GPHN: variants seen among roughly 807,000 people sequenced by gnomAD.
GPHN encodes gephyrin.
A neutral mutation model predicts 95.5 loss-of-function variants in GPHN; 17 were observed. The observed-to-expected ratio is 0.18, with a 90% CI of 0.12 to 0.27. The LOEUF (loss-of-function observed/expected upper bound fraction) is 0.27. Among genes scored for constraint, GPHN ranks in the 10% least tolerant of loss-of-function variants. GPHN has a pLI of 1.00. For synonymous variants in GPHN, 320 were observed against 322.5 expected, an observed-to-expected ratio of 0.99 and a Z score of 0.08; for missense variants, 660 against 978.1, an observed-to-expected ratio of 0.67 and a Z score of 4.34.
intron 9 of GPHN, among the ~76,000 whole-genome samples, chr14:66,972,066 G>A (rs777938043): frequency 2.6e-5 from 4 of 151,976 alleles, no homozygotes; most frequent in East Asian, 1.9e-4. Context: ...TCAGGAGTTC[G>A]AGACCAGCCT....
the GPHN span, among the ~76,000 whole-genome samples, chr14:67,281,023 C>T: frequency 2.6e-5 from 4 of 151,774 alleles, no homozygotes; most frequent in Admixed American, 2.0e-4. Context: ...CTTAGCCTCC[C>T]GAGTGGCTGG....
At chr14:67,265,813 C>T in the GPHN span, among the ~76,000 whole-genome samples, 4 of 144,692 alleles carry the variant, frequency 2.8e-5, no homozygotes, top group South Asian at 2.2e-4. Flanking sequence ...GCCAAAATCG[C>T]GCCACTGCAC....
At chr14:67,460,892 C>T in the GPHN span, among the ~76,000 whole-genome samples, 1 of 152,158 alleles carries the variant, frequency 6.6e-6, no homozygotes, top group Non-Finnish European at 1.5e-5. Flanking sequence ...GGTAAGGGAT[C>T]ACGGTCCTGT....
intron 5 of GPHN, among the ~76,000 whole-genome samples, chr14:66,891,889 A>G (rs2064528964): frequency 6.6e-6 from 1 of 152,170 alleles, no homozygotes; most frequent in South Asian, 2.1e-4. Flanking sequence ...CAGCATCAAT[A>G]GTCATTAGGG....
chr14:67,037,247 A>T (rs1196007581), intron 10 of GPHN, among the ~76,000 whole-genome samples: 1 of 152,030 alleles, frequency 6.6e-6, no homozygotes, highest in Admixed American at 6.6e-5. Flanking sequence ...AAGAACGAAG[A>T]CAGACCCTTA....
the GPHN span, chr14:67,321,150 A>C: frequency 6.2e-7 from 1 of 1,614,216 alleles, no homozygotes; most frequent in Admixed American, 1.7e-5. Flanking sequence ...GCAGCTGGAA[A>C]GTTCATTGAG....
intron 1 of GPHN, among the ~76,000 whole-genome samples, chr14:66,573,669 A>G (rs1713349640): frequency 6.6e-6 from 1 of 151,932 alleles, no homozygotes; most frequent in African/African-American, 2.4e-5. Flanking sequence ...GTTGGCCAGG[A>G]TGGTCTCGAT....
chr14:66,962,927 TA>T (rs2069057460), intron 8 of GPHN, among the ~76,000 whole-genome samples: 1 of 151,952 alleles, frequency 6.6e-6, no homozygotes. Context: ...GCCAGCATAA[TA>T]GGTATAATCC....
At chr14:67,448,394 C>A in the GPHN span, among the ~76,000 whole-genome samples, 4 of 152,004 alleles carry the variant, frequency 2.6e-5, no homozygotes, top group African/African-American at 7.2e-5. Context: ...AATGTAGCTA[C>A]CAATTGCTGT....
At chr14:67,387,230 C>A in the GPHN span, 1 of 1,211,154 alleles carries the variant, frequency 8.3e-7, no homozygotes, top group Non-Finnish European at 1.1e-6. Context: ...CAGTACAAAA[C>A]TTACAAAGAA....
At chr14:66,617,012 A>G (rs1194033958) in intron 1 of GPHN, among the ~76,000 whole-genome samples, 1 of 152,092 alleles carries the variant, frequency 6.6e-6, no homozygotes, top group Non-Finnish European at 1.5e-5. Context: ...GCCCGGCTGA[A>G]CAGGACCCAT....
At chr14:67,724,385 GGATA>G in the GPHN span, 1 of 919,554 alleles carries the variant, frequency 1.1e-6, no homozygotes, top group Non-Finnish European at 1.7e-6. Context: ...CTTTGAGGCT[GGATA>G]GAGTTTTTTT....
At chr14:67,179,307 G>T (rs2083195020) in intron 21 of GPHN, among the ~76,000 whole-genome samples, 1 of 152,154 alleles carries the variant, frequency 6.6e-6, no homozygotes, top group African/African-American at 2.4e-5. Flanking sequence ...GATCACTGGA[G>T]CCCAGGAGGT....
chr14:67,212,625 TTATATATAATATATATTACATA>T, the GPHN span, among the ~76,000 whole-genome samples: 2 of 145,126 alleles, frequency 1.4e-5, no homozygotes, highest in South Asian at 2.1e-4. Flanking sequence ...GTAATATATA[TTATATATAATATATATTACATA>T]TATATATAAT....
the GPHN span, chr14:67,312,742 A>G: frequency 7.0e-7 from 1 of 1,433,042 alleles, no homozygotes; most frequent in Non-Finnish European, 9.3e-7. Context: ...AGTACATAAT[A>G]TTAAAAGAAC....
chr14:66,695,026 G>A (rs1220917686), intron 2 of GPHN, among the ~76,000 whole-genome samples: 1 of 152,058 alleles, frequency 6.6e-6, no homozygotes, highest in African/African-American at 2.4e-5. Flanking sequence ...ATGCGCGGTG[G>A]TGCACGACTG....
chr14:67,388,293 T>C, the GPHN span: 10 of 1,610,888 alleles, frequency 6.2e-6, no homozygotes, highest in Admixed American at 8.3e-5. Context: ...CCCACTGGCC[T>C]GTTCTCTTCC....
chr14:66,884,807 T>C (rs1384855604), intron 5 of GPHN, among the ~76,000 whole-genome samples: 1 of 140,264 alleles, frequency 7.1e-6, no homozygotes, highest in Non-Finnish European at 1.6e-5. Context: ...TGTGTGTGTG[T>C]ATGTGTGTGT....
At chr14:66,539,343 A>C (rs986297482) in intron 1 of GPHN, among the ~76,000 whole-genome samples, 1 of 150,214 alleles carries the variant, frequency 6.7e-6, no homozygotes, top group Non-Finnish European at 1.5e-5. Flanking sequence ...GTTCCTTTCA[A>C]CCTTGCATTT....
Sources: allele counts gnomAD v4.1 joint callset (sites outside exome capture counted in the v4.1 genomes callset), GRCh38; gene constraint gnomAD v4.1.1; transcripts MANE v1.5; gene names NCBI Gene and HGNC (gene_info 2026-07-23, HGNC 2026-07-21).